STOX2: variants seen among roughly 807,000 people sequenced by gnomAD.
STOX2 encodes storkhead-box protein 2.
STOX2 carries 28 observed loss-of-function variants against 60.9 expected under a neutral mutation model. The ratio of observed to expected loss-of-function variants is 0.46; its 90% CI spans 0.34 to 0.63. The LOEUF (loss-of-function observed/expected upper bound fraction) is 0.63, where lower values mean the gene tolerates loss of function less well. Among genes scored for constraint, STOX2 ranks in the 30% least tolerant of loss-of-function variants. The probability of loss-of-function intolerance (pLI) is 0.01; values close to 1 mark genes in which losing one functional copy is unlikely to be tolerated. For synonymous variants in STOX2, 472 were observed against 463.9 expected (o/e 1.02, Z -0.22); for missense variants, 1,024 against 1,187.7 (o/e 0.86, Z 2.03).
At chr4:183,862,021 A>T (rs1344783002) in intron 1 of STOX2, among the ~76,000 whole-genome samples, 3 of 152,152 alleles carry the variant, frequency 2.0e-5, no homozygotes, top group African/African-American at 7.2e-5. Flanking sequence ...TCTAACACTC[A>T]ACAGATACTT....
intron 1 of STOX2, among the ~76,000 whole-genome samples, chr4:183,913,068 G>A (rs144145232): frequency 5.3e-4 from 80 of 152,248 alleles, no homozygotes; most frequent in African/African-American, 1.9e-3. Flanking sequence ...ACAGAAGGAC[G>A]TTGCTTAGAA....
chr4:183,890,701 G>A (rs2111182128), intron 1 of STOX2, among the ~76,000 whole-genome samples: 1 of 152,294 alleles, frequency 6.6e-6, no homozygotes, highest in East Asian at 1.9e-4. Flanking sequence ...TGGGAGAATG[G>A]TGGAGATAGT....
At chr4:183,813,579 G>A (rs1040362893) in intron 1 of STOX2, among the ~76,000 whole-genome samples, 22 of 152,280 alleles carry the variant, frequency 1.4e-4, no homozygotes, top group African/African-American at 4.8e-4. Flanking sequence ...TCTGTACCGA[G>A]GGAGGCCTGT....
At chr4:183,823,279 C>G (rs1040974105) in intron 1 of STOX2, among the ~76,000 whole-genome samples, 10 of 152,068 alleles carry the variant, frequency 6.6e-5, no homozygotes, top group African/African-American at 2.4e-4. Context: ...GCCTGTAGTC[C>G]CAGCTACTCG....
chr4:183,897,646 C>G (rs1379172080), intron 1 of STOX2, among the ~76,000 whole-genome samples: 1 of 152,124 alleles, frequency 6.6e-6, no homozygotes, highest in African/African-American at 2.4e-5. Context: ...GATAAAAGAG[C>G]CTCATAGATA....
intron 2 of STOX2, among the ~76,000 whole-genome samples, chr4:184,008,810 T>C (rs146298571): frequency 1.4e-4 from 21 of 152,356 alleles, no homozygotes; most frequent in African/African-American, 4.3e-4. Context: ...TTTCATATCA[T>C]ATCATGGGAA....
In STOX2 at chr4:184,009,073, T is replaced by G. The variant is rs1734013175; in HGVS notation, c.320-85T>G. On this transcript the variant is annotated intron_variant, in intron 2 of 3. Transcript: ENST00000308497. This position sits in a 1 kb window ranked among gnomAD's most constrained non-coding sequence, Gnocchi z 4.0. ...AGCTCTGTGATGGTACTTCGCATCT[T>G]GGCGAATGAATAGGATCCTGGAAAT... 9.3e-7 allele frequency: 1 copy of G among 1,080,206 alleles called. No individual in the cohort carries two copies. The highest frequency in any genetic ancestry group is 1.3e-6 in the Non-Finnish European group (1 of 761,940). The allele number at this position is 1,080,206 out of a possible 1,614,324, so 66.9% of individuals were successfully genotyped here.
chr4:183,866,817 C>T (rs775045350), intron 1 of STOX2, among the ~76,000 whole-genome samples: 3 of 151,996 alleles, frequency 2.0e-5, no homozygotes, highest in African/African-American at 4.8e-5. Flanking sequence ...AGTTGGAGGC[C>T]GCAGTGAGTG....
intron 1 of STOX2, among the ~76,000 whole-genome samples, chr4:183,835,611 A>G (rs998110837): frequency 2.0e-5 from 3 of 152,282 alleles, no homozygotes; most frequent in Middle Eastern, 3.4e-3. Flanking sequence ...TCTGTTTTCA[A>G]TCTCTTCCTC....
intron 1 of STOX2, among the ~76,000 whole-genome samples, chr4:183,931,595 G>A (rs1340688617): frequency 6.6e-6 from 1 of 152,192 alleles, no homozygotes; most frequent in Non-Finnish European, 1.5e-5. Context: ...GCAGACTATT[G>A]TGAAAGAAAG....
rs1367965419 is a variant in STOX2, at chr4:183,821,110, A to AGAAAAAGAAAAAAGAAAAAG, written c.364+23056_364+23075dup. Among the ~76,000 whole-genome samples, 2 of 152,126 alleles carry AGAAAAAGAAAAAAGAAAAAG rather than the reference A, an allele frequency of 1.3e-5. No individual in the cohort carries two copies. Among genetic ancestry groups the AGAAAAAGAAAAAAGAAAAAG allele is most frequent in the East Asian group, 3.9e-4 (2 of 5,166 alleles). On this transcript the variant is annotated intron_variant, in intron 1 of 2. Coordinates refer to the STOX2 transcript ENST00000513034. This position sits in a 1 kb window ranked among gnomAD's most constrained non-coding sequence, Gnocchi z 4.2. ...GCAACAGAGTGAGACCCTGTCTCAA[A>AGAAAAAGAAAAAAGAAAAAG]GAAAAAGAAAAAAGAAAAAGAAAAA...
chr4:184,017,062 CAAAA>C, intron 3 of STOX2, 23 bp from the exon 4 acceptor site: 1 of 1,558,900 alleles, frequency 6.4e-7, no homozygotes, highest in East Asian at 2.3e-5. Context: ...CCAAACAAAA[CAAAA>C]CAAACCCTTT....
At position 183,855,863 on chromosome 4, in the gene STOX2, T is replaced by C. The variant is rs140435012; in HGVS notation, c.364+57808T>C. On this transcript the variant is annotated intron_variant, in intron 1 of 2. Transcript: ENST00000513034. ...GCAGGCCCTTCACTTCCATCCTGGC[T>C]TCTTTTTGAAGTGACATTTGGCATT... Among the ~76,000 whole-genome samples, 9 of 152,350 alleles carry C rather than the reference T, an allele frequency of 5.9e-5. No individual in the cohort carries two copies. In the East Asian group the frequency reaches 1.7e-3, roughly 29 times the overall value.
At chr4:183,862,523 C>T (rs1740472423) in intron 1 of STOX2, among the ~76,000 whole-genome samples, 1 of 152,222 alleles carries the variant, frequency 6.6e-6, no homozygotes, top group Non-Finnish European at 1.5e-5. Context: ...CAGAGGGTGC[C>T]TCTACAAGGG....
intron 1 of STOX2, among the ~76,000 whole-genome samples, chr4:183,847,852 C>T (rs561016954): frequency 7.9e-5 from 12 of 152,270 alleles, no homozygotes; most frequent in African/African-American, 1.7e-4. Context: ...CCACGATTTT[C>T]GCTGATGTCA....
intron 1 of STOX2, among the ~76,000 whole-genome samples, chr4:183,886,941 TCAACTC>T (rs1263688483): frequency 6.6e-6 from 1 of 152,168 alleles, no homozygotes; most frequent in Non-Finnish European, 1.5e-5. Flanking sequence ...TCATGGTGGA[TCAACTC>T]AGTGCTACTG....
rs1488887302 is a variant in STOX2 at position 184,011,631 on chromosome 4, G to T, written c.2585+208G>T. ...TGCACCTGTAGAGATCACCAATCTG[G>T]ACTGGTGGGTTGGCTCCTCCCCTCA... On this transcript the variant is annotated intron_variant, in intron 3 of 3. Transcript: ENST00000308497. The surrounding 1 kb of genome is among the most constrained non-coding windows in gnomAD (Gnocchi z 4.4). 6.6e-7 allele frequency: 1 copy of T among 1,514,682 alleles called. No individual in the cohort carries two copies. Among genetic ancestry groups the T allele is most frequent in the Non-Finnish European group, 8.8e-7 (1 of 1,135,362 alleles). 93.8% of individuals were successfully genotyped at this position (1,514,682 alleles called of 1,614,324 possible). A position where few individuals can be genotyped will look rare whatever the true frequency, so the allele number is the denominator to read the frequency against.
chr4:183,913,370 G>A (rs115803998), intron 1 of STOX2, among the ~76,000 whole-genome samples: 1,595 of 152,210 alleles, frequency 0.01, 21 homozygotes, highest in African/African-American at 0.037. Flanking sequence ...GTGTCAGATC[G>A]TGGCTTGCAG....
chr4:183,970,139 C>CGTGTGTGTGT (rs3042606), intron 1 of STOX2, among the ~76,000 whole-genome samples: 2,490 of 126,906 alleles, frequency 0.02, 52 homozygotes, highest in African/African-American at 0.046. Context: ...ACTACATGTA[C>CGTGTGTGTGT]GTGTGTGTGT....
Sources: allele counts gnomAD v4.1 joint callset (sites outside exome capture counted in the v4.1 genomes callset), GRCh38; gene constraint gnomAD v4.1.1; non-coding constraint Gnocchi (gnomAD v3.1); transcripts MANE v1.5; gene names NCBI Gene and HGNC (gene_info 2026-07-23, HGNC 2026-07-21).